The following ABCG5 variants were observed in gnomAD, a reference collection of about 807,000 sequenced individuals.
ABCG5 encodes the protein ATP-binding cassette sub-family G member 5.
In ABCG5, 64 loss-of-function variants were observed where a neutral mutation model predicts 64.5. The observed-to-expected ratio is 0.99, with a 90% CI of 0.81 to 1.22. ABCG5 has a LOEUF of 1.22. ABCG5 is among the 50% of genes most tolerant of loss of function. ABCG5 has a pLI of 0.00. For synonymous variants in ABCG5, 385 were observed against 326.3 expected, an observed-to-expected ratio of 1.18 and a Z score of -1.94; for missense variants, 908 against 829.5, an observed-to-expected ratio of 1.09 and a Z score of -1.16.
chr2:43,834,367 G>C (rs1044253404), intron 2 of ABCG5, among the ~76,000 whole-genome samples: 2 of 152,138 alleles, frequency 1.3e-5, no homozygotes, highest in African/African-American at 4.8e-5. Flanking sequence ...CCACTTTATT[G>C]TTGCCAAATC....
chr2:43,825,080 C>T lies in ABCG5; in HGVS notation c.775-62G>A. On this transcript the variant is annotated intron_variant, in intron 6 of 12. Coordinates refer to ENST00000405322, the MANE Select transcript of ABCG5 (RefSeq NM_022436.3). ...AAGGGTAGCGATGCACTTTGAATGT[C>T]TCTGGGAACACTGATGCAGGGCCAA... The T allele has an allele frequency of 2.5e-6, 4 of 1,594,982 alleles. No individual in the cohort carries two copies. In the Admixed American group the frequency reaches 6.9e-5, roughly 28 times the overall value.
chr2:43,819,731 T>A (rs1406365417), intron 11 of ABCG5, among the ~76,000 whole-genome samples, 184 bp downstream of exon 11: 1 of 152,230 alleles, frequency 6.6e-6, no homozygotes, highest in Admixed American at 6.5e-5. Flanking sequence ...AAAGACATTT[T>A]ATTGAACAAA....
At chr2:43,813,633 T>A (rs1375012703) in intron 12 of ABCG5, among the ~76,000 whole-genome samples, 2 of 151,710 alleles carry the variant, frequency 1.3e-5, no homozygotes, top group Non-Finnish European at 2.9e-5. Context: ...TCAGCCATAT[T>A]CTTTGGTTGT....
At position 43,824,872 on chromosome 2, in the gene ABCG5, G is replaced by A. The variant is rs755654485; in HGVS notation, c.904+17C>T. 2.2e-5 allele frequency: 36 copies of A among 1,613,534 alleles called. No homozygotes were observed. The highest frequency in any genetic ancestry group is 3.0e-5 in the Non-Finnish European group (35 of 1,179,604). On this transcript the variant is annotated intron_variant, in intron 7 of 12. Transcript: ENST00000405322. The stretch of plus-strand genomic sequence containing the variant: ...TTAAAAAACATTCATGATGGGGAAT[G>A]TGAAAGAAAAACTTACTATAGAAGT...
At chr2:43,830,279 C>A (rs1299800978) in intron 4 of ABCG5, among the ~76,000 whole-genome samples, 1 of 152,230 alleles carries the variant, frequency 6.6e-6, no homozygotes, top group African/African-American at 2.4e-5. Context: ...GCAAGTCCAA[C>A]CCTCCATGCT....
downstream of ABCG5, among the ~76,000 whole-genome samples, chr2:43,810,780 C>T (rs1439434223): frequency 6.6e-6 from 1 of 152,176 alleles, no homozygotes; most frequent in Non-Finnish European, 1.5e-5. Context: ...GCACACGTTT[C>T]TTGCTGAGTG....
the ABCG5 span, among the ~76,000 whole-genome samples, chr2:43,807,314 A>C: frequency 6.6e-6 from 1 of 152,156 alleles, no homozygotes; most frequent in African/African-American, 2.4e-5. Flanking sequence ...CAGACTTCAC[A>C]TGGGCACCAG....
At chr2:43,809,673 T>G (rs1572728919), downstream of ABCG5, 1 of 1,548,570 alleles carries the variant, frequency 6.5e-7, no homozygotes, top group Non-Finnish European at 8.8e-7. Context: ...TAAAGTTGAT[T>G]TTTCTTAAAG....
chr2:43,821,735 A>G (rs1438833823), intron 10 of ABCG5, among the ~76,000 whole-genome samples: 2 of 152,162 alleles, frequency 1.3e-5, no homozygotes, highest in Non-Finnish European at 2.9e-5. Context: ...ATGTCCCATG[A>G]TGACTGATAT....
chr2:43,838,892 G>A (rs1668451704), upstream of ABCG5: 3 of 1,164,942 alleles, frequency 2.6e-6, no homozygotes, highest in South Asian at 2.9e-5. The surrounding 1 kb of genome is among the most constrained non-coding windows in gnomAD (Gnocchi z 4.2). Context: ...GAACACACAC[G>A]TTTGTAGGTG....
intron 10 of ABCG5, among the ~76,000 whole-genome samples, chr2:43,820,320 T>C (rs1345751981): frequency 6.6e-6 from 1 of 152,206 alleles, no homozygotes; most frequent in Non-Finnish European, 1.5e-5. Flanking sequence ...GGGAGCCACC[T>C]TTTCCCTTTC....
intron 10 of ABCG5, 38 bp from the exon 11 acceptor site, chr2:43,820,138 G>C: frequency 6.3e-7 from 1 of 1,593,628 alleles, no homozygotes. Flanking sequence ...CTCTCCAAGG[G>C]CTATCATTTA....
chr2:43,812,104 G>A (rs1489150170), downstream of ABCG5, among the ~76,000 whole-genome samples: 3 of 151,974 alleles, frequency 2.0e-5, no homozygotes, highest in African/African-American at 7.2e-5. Context: ...AGGCTGGAGT[G>A]CAGTGGTTCC....
At position 43,822,847 on chromosome 2, in the gene ABCG5, G is replaced by T. The variant is rs1667323716; in HGVS notation, c.1413C>A (p.Val471=). Residue 471 remains valine (V), a synonymous_variant, in exon 10 of 13, where the codon GTC becomes GTA. Transcript: ENST00000405322. Reference sequence around the variant, plus strand: ...TGGTGGCAACAACGCTGAAGGGGAGGACGTGCAGTGCATAGGCCAGCATCA... The same window carrying T: ...TGGTGGCAACAACGCTGAAGGGGAGTACGTGCAGTGCATAGGCCAGCATCA... ...WQMMLAYALH[V]LPFSVVATMI... The T allele has an allele frequency of 6.2e-7, 1 of 1,614,154 alleles. No homozygotes were observed. The highest frequency in any genetic ancestry group is 1.3e-5 in the African/African-American group (1 of 75,046).
Position 43,832,486 on chromosome 2 carries a change from C to A in ABCG5, c.266-403G>T, listed in dbSNP as rs1213675136. 1.8e-5 allele frequency: 5 copies of A among 283,740 alleles called. No homozygotes were observed. The Admixed American group carries it at 1.9e-4, about 11-fold the overall frequency. The allele number at this position is 283,740 out of a possible 1,614,324, so 17.6% of individuals were successfully genotyped here. A position where few individuals can be genotyped will look rare whatever the true frequency, so the allele number is the denominator to read the frequency against. On this transcript the variant is annotated intron_variant, in intron 2 of 12. Transcript: ENST00000405322. ...ATCCTAGGACGGATTTCTTTTTGTGCCCCCCTGGGGTGGTCTGGTTGTACC... is the reference window on the plus strand; with the variant it reads ...ATCCTAGGACGGATTTCTTTTTGTGACCCCCTGGGGTGGTCTGGTTGTACC...
Position 43,826,444 on chromosome 2 carries a change from G to C in ABCG5, c.712C>G (p.Leu238Val). Residue 238 changes from leucine (L) to valine (V), a missense_variant, in exon 6 of 13, where the codon CTG becomes GTG. By Grantham distance (32) the Leu-to-Val change is conservative (BLOSUM62 1). Transcript: ENST00000405322. ...ACCACAATTCGGTTCCTGCGAGCCAGTTCCACCAGGAGGACGACAATCTGA... is the reference window on the plus strand; with the variant it reads ...ACCACAATTCGGTTCCTGCGAGCCACTTCCACCAGGAGGACGACAATCTGA... Reference protein sequence around the residue: ...ANQIVVLLVELARRNRIVVLT... With the variant: ...ANQIVVLLVEVARRNRIVVLT... 2 of 1,614,172 alleles carry C rather than the reference G, an allele frequency of 1.2e-6. No homozygotes were observed. The highest frequency in any genetic ancestry group is 1.7e-6 in the Non-Finnish European group (2 of 1,180,032).
At chr2:43,834,309 C>G (rs1208690367) in intron 2 of ABCG5, among the ~76,000 whole-genome samples, 2 of 152,182 alleles carry the variant, frequency 1.3e-5, no homozygotes, top group African/African-American at 2.4e-5. Context: ...CAGCCTGGGT[C>G]CCAGCCCCAC....
At chr2:43,824,849 A>T (rs192689305) in intron 7 of ABCG5, 40 bp downstream of exon 7, 1 of 1,611,128 alleles carries the variant, frequency 6.2e-7, no homozygotes, top group Non-Finnish European at 8.5e-7. Context: ...GAGAAAGTTT[A>T]AAAAACATTC....
chr2:43,815,550 C>A (rs1666761698), intron 11 of ABCG5, among the ~76,000 whole-genome samples: 1 of 152,122 alleles, frequency 6.6e-6, no homozygotes, highest in South Asian at 2.1e-4. Context: ...TTTCCTAAGG[C>A]ACAACATTGA....
Sources: allele counts gnomAD v4.1 joint callset (sites outside exome capture counted in the v4.1 genomes callset), GRCh38; gene constraint gnomAD v4.1.1; non-coding constraint Gnocchi (gnomAD v3.1); transcripts MANE v1.5; gene names NCBI Gene and HGNC (gene_info 2026-07-23, HGNC 2026-07-21).